Variants in ANKRD30BL observed in about 807,000 individuals in gnomAD.
ANKRD30BL encodes ankyrin repeat domain 30B like.
Under a neutral mutation model 18.4 loss-of-function variants are expected in ANKRD30BL, and 20 were observed. That is an observed-to-expected ratio of 1.09 (90% CI 0.77 to 1.58). The LOEUF (loss-of-function observed/expected upper bound fraction) is 1.58. Among genes scored for constraint, ANKRD30BL ranks in the 40% most tolerant of loss-of-function variants. The pLI is 0.00. For missense variants in ANKRD30BL, 224 were observed against 268.6 expected, an observed-to-expected ratio of 0.83 and a Z score of 1.16; for synonymous variants, 72 against 100.9, an observed-to-expected ratio of 0.71 and a Z score of 1.72.
intron 1 of ANKRD30BL, among the ~76,000 whole-genome samples, chr2:132,169,621 T>C (rs1483410690): frequency 1.5e-5 from 2 of 129,544 alleles, no homozygotes; most frequent in Non-Finnish European, 3.1e-5. Flanking sequence ...CACTCCAGCC[T>C]GGTGACACAG....
At chr2:132,255,868 C>CG (rs896618236) in intron 1 of ANKRD30BL, among the ~76,000 whole-genome samples, 2 of 152,120 alleles carry the variant, frequency 1.3e-5, no homozygotes, top group African/African-American at 2.4e-5. Context: ...ATCGCTGCCA[C>CG]GGGGGGCGTG....
chr2:132,193,410 G>A (rs1678898868), intron 1 of ANKRD30BL, among the ~76,000 whole-genome samples: 1 of 152,078 alleles, frequency 6.6e-6, no homozygotes, highest in African/African-American at 2.4e-5. Flanking sequence ...CCAGGGCTGG[G>A]TTTGGCACTT....
intron 3 of ANKRD30BL, chr2:132,156,289 A>G (rs1687902604): frequency 6.6e-6 from 1 of 152,210 alleles, no homozygotes; most frequent in African/African-American, 2.4e-5. Flanking sequence ...ATATGAAGAA[A>G]AATCATCATT....
At chr2:132,245,128 T>G (rs1680459817) in intron 1 of ANKRD30BL, among the ~76,000 whole-genome samples, 1 of 152,298 alleles carries the variant, frequency 6.6e-6, no homozygotes, top group Admixed American at 6.5e-5. Flanking sequence ...AGAAGCATTC[T>G]CAGAAGCTGC....
intron 1 of ANKRD30BL, among the ~76,000 whole-genome samples, chr2:132,192,751 A>G (rs1355768336): frequency 6.6e-6 from 1 of 152,202 alleles, no homozygotes; most frequent in African/African-American, 2.4e-5. Context: ...GGAGGGAGAA[A>G]GGGGCAATCT....
intron 1 of ANKRD30BL, among the ~76,000 whole-genome samples, chr2:132,160,614 A>G (rs541202544): frequency 1.3e-5 from 2 of 148,442 alleles, no homozygotes; most frequent in South Asian, 4.3e-4. Flanking sequence ...AATTTTTTGT[A>G]TTTTTAGTAG....
In ANKRD30BL at chr2:132,161,842, T is replaced by C. The variant is rs1688074772; in HGVS notation, c.-137A>G. ...AGAAATCTCAGTCGGGCCAAGCTTT[T>C]GGACACTCCAACCTCTCCCGGGAGA... On this transcript the variant is annotated 5_prime_UTR_variant, in exon 1 of 6. Transcript: ENST00000409867. The C allele has an allele frequency of 3.2e-6, 2 of 620,018 alleles. No individual in the cohort carries two copies. Among genetic ancestry groups the C allele is most frequent in the Non-Finnish European group, 5.8e-6 (2 of 343,092 alleles). 38.4% of individuals were successfully genotyped at this position (620,018 alleles called of 1,614,324 possible). A position where few individuals can be genotyped will look rare whatever the true frequency, so the allele number is the denominator to read the frequency against.
At chr2:132,244,889 A>T (rs1484804126) in intron 1 of ANKRD30BL, among the ~76,000 whole-genome samples, 4 of 152,302 alleles carry the variant, frequency 2.6e-5, no homozygotes, top group Non-Finnish European at 4.4e-5. Flanking sequence ...GCAAGTGGAC[A>T]TTTGGAGCGC....
intron 1 of ANKRD30BL, among the ~76,000 whole-genome samples, chr2:132,221,554 AG>A (rs1225322332): frequency 1.6e-5 from 2 of 125,872 alleles, no homozygotes; most frequent in Admixed American, 7.6e-5. Flanking sequence ...TGGGGGGGTC[AG>A]CCCCCCGCCC....
intron 1 of ANKRD30BL, among the ~76,000 whole-genome samples, chr2:132,180,486 C>A (rs1339392819): frequency 6.6e-6 from 1 of 152,182 alleles, no homozygotes; most frequent in Non-Finnish European, 1.5e-5. Flanking sequence ...GTGATTCATG[C>A]CTGTATGCAC....
chr2:132,153,821 C>A (rs1436620178), intron 4 of ANKRD30BL: 2 of 366,588 alleles, frequency 5.5e-6, no homozygotes, highest in Non-Finnish European at 1.1e-5. Context: ...AGTGTTTATC[C>A]TTGTAAATCA....
chr2:132,164,723 T>TTTG (rs774825793), upstream of ANKRD30BL, among the ~76,000 whole-genome samples: 1 of 152,192 alleles, frequency 6.6e-6, no homozygotes, highest in Non-Finnish European at 1.5e-5. Context: ...GAACACCTAC[T>TTTG]TTGTTGTTGT....
At position 132,223,078 on chromosome 2, in the gene ANKRD30BL, G is replaced by A. The variant is rs370339212; in HGVS notation, n.441+34451C>T. ...GAAACTGTAAGTGGATATTTGGACC[G>A]CTTTGAGGCCTTCGTTGGAAACGGG... On this transcript the variant is annotated intron_variant and non_coding_transcript_variant, in intron 1 of 4. Transcript: ENST00000470729. 3.6e-4 allele frequency among the ~76,000 whole-genome samples: 54 copies of A among 151,678 alleles called. No individual in the cohort carries two copies. The East Asian group carries it at 6.2e-3, about 18-fold the overall frequency.
intron 1 of ANKRD30BL, among the ~76,000 whole-genome samples, chr2:132,209,181 A>G (rs1639272589): frequency 6.6e-6 from 1 of 151,828 alleles, no homozygotes; most frequent in Non-Finnish European, 1.5e-5. Flanking sequence ...AAATATCTTC[A>G]CATAAAAACT....
At chr2:132,242,108 T>A (rs1680353617) in intron 1 of ANKRD30BL, among the ~76,000 whole-genome samples, 1 of 151,758 alleles carries the variant, frequency 6.6e-6, no homozygotes, top group African/African-American at 2.4e-5. Flanking sequence ...ACATTTTTCT[T>A]AGATACAGCA....
chr2:132,160,816 C>T (rs3114247), intron 1 of ANKRD30BL, among the ~76,000 whole-genome samples: 47,320 of 151,110 alleles, frequency 0.31, 10,650 homozygotes, highest in African/African-American at 0.62. Context: ...TTAAATGTCA[C>T]CACAATAGTA....
At chr2:132,245,307 T>G (rs113700560) in intron 1 of ANKRD30BL, among the ~76,000 whole-genome samples, 1 of 152,252 alleles carries the variant, frequency 6.6e-6, no homozygotes, top group African/African-American at 2.4e-5. Flanking sequence ...TCTCAGAAAC[T>G]TCTTTGTGAT....
At chr2:132,182,735 T>G (rs1201556124) in intron 1 of ANKRD30BL, among the ~76,000 whole-genome samples, 3 of 152,182 alleles carry the variant, frequency 2.0e-5, no homozygotes, top group Non-Finnish European at 4.4e-5. Context: ...TTAAAAATGA[T>G]CATTTATTTT....
chr2:132,191,035 T>C (rs1678836959), intron 1 of ANKRD30BL, among the ~76,000 whole-genome samples: 1 of 152,210 alleles, frequency 6.6e-6, no homozygotes, highest in East Asian at 1.9e-4. Flanking sequence ...TATAAAGTTA[T>C]GTGGCTACCA....
Sources: gnomAD v4.1 joint callset for allele counts (sites outside exome capture counted in the v4.1 genomes callset) on GRCh38, gnomAD v4.1.1 for gene constraint, MANE v1.5 for transcripts, NCBI Gene and HGNC (gene_info 2026-07-23, HGNC 2026-07-21) for gene names.